BORCS5: variants seen among roughly 807,000 people sequenced by gnomAD.
The protein encoded by BORCS5 is BLOC-1 related complex subunit 5.
In BORCS5, 17 loss-of-function variants were observed where a neutral mutation model predicts 22.1. That is an observed-to-expected ratio of 0.77 (90% CI 0.53 to 1.15). The LOEUF (loss-of-function observed/expected upper bound fraction) is 1.15. Among genes scored for constraint, BORCS5 ranks in the 50% most tolerant of loss-of-function variants. The pLI is 0.00. For missense variants in BORCS5, 247 were observed against 253.2 expected (o/e 0.98, Z 0.17); for synonymous variants, 117 against 99.8 (o/e 1.17, Z -1.03).
chr12:12,420,637 G>C (rs911580591), intron 2 of BORCS5, among the ~76,000 whole-genome samples: 3 of 152,188 alleles, frequency 2.0e-5, no homozygotes, highest in Non-Finnish European at 4.4e-5. Flanking sequence ...ACTTTGGGCA[G>C]TATGGCCATT....
At chr12:12,430,207 G>T (rs1276209455) in intron 2 of BORCS5, among the ~76,000 whole-genome samples, 1 of 141,774 alleles carries the variant, frequency 7.1e-6, no homozygotes, top group Non-Finnish European at 1.5e-5. Flanking sequence ...CTGGAGTGCA[G>T]TGGCAAGATC....
Position 12,435,739 on chromosome 12 carries a change from A to G in BORCS5, c.314A>G (p.Glu105Gly). The G allele has an allele frequency of 6.2e-7, 1 of 1,614,092 alleles. No individual in the cohort carries two copies. ...RYQDHLHQCA[E>G]AVAFDQNALV... Reference sequence around the variant, plus strand: ...CAAGATCACCTGCATCAGTGTGCAGAGGCCGTTGCTTTTGACCAGAATGCT... The same window carrying G: ...CAAGATCACCTGCATCAGTGTGCAGGGGCCGTTGCTTTTGACCAGAATGCT... The change falls in exon 3 of 4, where the codon GAG (glutamate) becomes GGG (glycine). Residue 105 changes from glutamate to glycine, a missense_variant. By Grantham distance (98) the Glu-to-Gly change is moderately conservative (BLOSUM62 -2). Coordinates refer to ENST00000314565, the MANE Select transcript of BORCS5 (RefSeq NM_058169.6).
chr12:12,412,414 T>C (rs1369806936), intron 2 of BORCS5, among the ~76,000 whole-genome samples: 1 of 152,218 alleles, frequency 6.6e-6, no homozygotes, highest in African/African-American at 2.4e-5. Flanking sequence ...AATTTCCTTT[T>C]TGGATTGTTC....
At chr12:12,377,808 A>T (rs1037881183) in intron 2 of BORCS5, among the ~76,000 whole-genome samples, 1 of 152,182 alleles carries the variant, frequency 6.6e-6, no homozygotes, top group African/African-American at 2.4e-5. Flanking sequence ...CAAAAGTAGG[A>T]CAGTTACAAG....
intron 3 of BORCS5, among the ~76,000 whole-genome samples, chr12:12,443,886 C>T (rs924167527): frequency 4.6e-5 from 7 of 152,146 alleles, no homozygotes; most frequent in Non-Finnish European, 7.4e-5. Context: ...TCCACCAGAG[C>T]GGGCAGTGTC....
Position 12,357,477 on chromosome 12 carries a change from C to G in BORCS5, c.26C>G (p.Ala9Gly), listed in dbSNP as rs961448254. 1 of 1,611,238 alleles carries G rather than the reference C, an allele frequency of 6.2e-7. No homozygotes were observed. The highest frequency in any genetic ancestry group is 8.5e-7 in the Non-Finnish European group (1 of 1,177,742). Residue 9 changes from alanine to glycine, a missense_variant, in exon 1 of 4, where the codon GCC (alanine) becomes GGC (glycine). Ala to Gly is a moderately conservative substitution (Grantham distance 60). Transcript: ENST00000314565. MGSEQSSE[A>G]ESRPNDLNSS... ...ATGGGCAGTGAGCAGAGCTCCGAGG[C>G]CGAGAGCCGACCCAACGATCTGAAC...
chr12:12,371,254 T>C (rs1863522016), intron 2 of BORCS5, among the ~76,000 whole-genome samples: 1 of 152,168 alleles, frequency 6.6e-6, no homozygotes, highest in African/African-American at 2.4e-5. Context: ...AGGGAATCCA[T>C]AGATACACAC....
At position 12,375,443 on chromosome 12, in the gene BORCS5, G is replaced by C. The variant is rs138940454; in HGVS notation, c.202+14094G>C. Among the ~76,000 whole-genome samples, 1,124 of 152,292 alleles carry C rather than the reference G, an allele frequency of 7.4e-3. 10 individuals are homozygous for C. Among genetic ancestry groups the C allele is most frequent in the South Asian group, 0.013 (62 of 4,826 alleles). On this transcript the variant is annotated intron_variant, in intron 2 of 3. Coordinates refer to ENST00000314565, the MANE Select transcript of BORCS5 (RefSeq NM_058169.6). ...GTTTGAGACCAGCCTGGGCAACATA[G>C]ACCTCATTTCTACAAAAAATTTGAA...
At chr12:12,445,488 A>G (rs577898358) in intron 3 of BORCS5, among the ~76,000 whole-genome samples, 34 of 58,996 alleles carry the variant, frequency 5.8e-4, no homozygotes, top group African/African-American at 2.1e-3. Context: ...TATCTTGAAC[A>G]TGCATTGCTT....
chr12:12,462,313 G>A (rs905875909), intron 3 of BORCS5, among the ~76,000 whole-genome samples: 5 of 152,318 alleles, frequency 3.3e-5, no homozygotes, highest in East Asian at 1.9e-4. Flanking sequence ...CGAGGCTTAC[G>A]TATATTTTCA....
At position 12,365,477 on chromosome 12, in the gene BORCS5, G is replaced by T. The variant is rs190319427; in HGVS notation, c.202+4128G>T. On this transcript the variant is annotated intron_variant, in intron 2 of 3. Coordinates refer to ENST00000314565, the MANE Select transcript of BORCS5 (RefSeq NM_058169.6). Reference sequence around the variant, plus strand: ...CTACAGGCATGAGCCACCATGCCCGGCCCGAGTTTCAAAAAATACTATAGA... The same window carrying T: ...CTACAGGCATGAGCCACCATGCCCGTCCCGAGTTTCAAAAAATACTATAGA... Among the ~76,000 whole-genome samples, 419 of 152,000 alleles carry T rather than the reference G, an allele frequency of 2.8e-3. 1 individual carries two copies. Among genetic ancestry groups the T allele is most frequent in the Non-Finnish European group, 4.4e-3 (300 of 67,988 alleles).
chr12:12,448,561 C>T (rs953787834), intron 3 of BORCS5, among the ~76,000 whole-genome samples: 2 of 135,780 alleles, frequency 1.5e-5, no homozygotes, highest in Non-Finnish European at 3.1e-5. Flanking sequence ...GACAGATTTT[C>T]GCTCTTTCGC....
At chr12:12,410,343 GGTT>G (rs1193730063) in intron 2 of BORCS5, among the ~76,000 whole-genome samples, 1 of 152,108 alleles carries the variant, frequency 6.6e-6, no homozygotes, top group Non-Finnish European at 1.5e-5. Context: ...TTTCTTCTAG[GGTT>G]TTTATGGTTT....
rs1398721410 is a variant in BORCS5, at chr12:12,361,247, A to G, written c.100A>G (p.Ile34Val). 6.2e-7 allele frequency: 1 copy of G among 1,614,152 alleles called. No homozygotes were observed. The highest frequency in any genetic ancestry group is 8.5e-7 in the Non-Finnish European group (1 of 1,180,016). The change falls in exon 2 of 4, where the codon ATT becomes GTT. Residue 34 changes from isoleucine to valine, a missense_variant. Physicochemically the swap from Ile to Val is conservative, Grantham distance 29. Transcript: ENST00000314565. The stretch of plus-strand genomic sequence containing the variant: ...CAAGCATAGAGCCAAGATGGATGAT[A>G]TTGTGGTTGTAGCTCAGGGCTCCCA... ...PAKHRAKMDD[I>V]VVVAQGSQAS...
chr12:12,366,484 T>A (rs1863409937), intron 2 of BORCS5, among the ~76,000 whole-genome samples: 1 of 152,230 alleles, frequency 6.6e-6, no homozygotes, highest in Admixed American at 6.5e-5. Context: ...ATCAAAGGGA[T>A]TTCTGTTTTT....
At chr12:12,390,837 C>T (rs1164491125) in intron 2 of BORCS5, among the ~76,000 whole-genome samples, 3 of 151,748 alleles carry the variant, frequency 2.0e-5, no homozygotes, top group Admixed American at 6.6e-5. Flanking sequence ...AGTAGGATGA[C>T]CTTAGATGAT....
intron 2 of BORCS5, among the ~76,000 whole-genome samples, chr12:12,420,348 A>G (rs1021089453): frequency 6.6e-6 from 1 of 152,174 alleles, no homozygotes; most frequent in Non-Finnish European, 1.5e-5. Flanking sequence ...CAAAAATCAG[A>G]TGGTTGTAGA....
intron 2 of BORCS5, among the ~76,000 whole-genome samples, chr12:12,365,051 T>C (rs1863375052): frequency 6.6e-6 from 1 of 152,244 alleles, no homozygotes; most frequent in African/African-American, 2.4e-5. Flanking sequence ...CCTGGTTGCA[T>C]TGATAAATGA....
intron 2 of BORCS5, among the ~76,000 whole-genome samples, chr12:12,364,589 G>C (rs988527032): frequency 9.9e-6 from 1 of 100,790 alleles, no homozygotes; most frequent in South Asian, 4.6e-4. Context: ...TCAAGGGTCA[G>C]CTGTAATTCG....
Sources: gnomAD v4.1 joint callset for allele counts (sites outside exome capture counted in the v4.1 genomes callset) on GRCh38, gnomAD v4.1.1 for gene constraint, MANE v1.5 for transcripts, NCBI Gene and HGNC (gene_info 2026-07-23, HGNC 2026-07-21) for gene names.